CCDC28A: variants seen among roughly 807,000 people sequenced by gnomAD.
CCDC28A encodes the protein coiled-coil domain-containing protein 28A.
CCDC28A carries 24 observed loss-of-function variants against 22.1 expected under a neutral mutation model. The observed-to-expected ratio is 1.09, with a 90% CI of 0.79 to 1.53. The LOEUF is 1.53. CCDC28A is among the 40% of genes most tolerant of loss of function. The pLI is 0.00. For synonymous variants in CCDC28A, 83 were observed against 74.7 expected, an observed-to-expected ratio of 1.11 and a Z score of -0.57; for missense variants, 170 against 210.7, an observed-to-expected ratio of 0.81 and a Z score of 1.20.
Position 138,776,200 on chromosome 6 carries a change from A to T in CCDC28A, c.80A>T (p.Asn27Ile), listed in dbSNP as rs776078449. The T allele has an allele frequency of 6.2e-7, 1 of 1,614,072 alleles. No homozygotes were observed. The highest frequency in any genetic ancestry group is 1.1e-5 in the South Asian group (1 of 91,084). ...ACTCAGGTTGTCAATGCCAAAAAAA[A>T]TGCCATTCCAGTGAGTAAAAGCACA... ...HCTQVVNAKK[N>I]AIPVSKSTGF... Residue 27 changes from asparagine to isoleucine, a missense_variant, in exon 2 of 6, where the codon AAT becomes ATT. Coordinates refer to ENST00000617445, the MANE Select transcript of CCDC28A (RefSeq NM_015439.3).
chr6:138,781,887 A>G (rs1331715176), intron 3 of CCDC28A, among the ~76,000 whole-genome samples: 2 of 152,152 alleles, frequency 1.3e-5, no homozygotes, highest in South Asian at 2.1e-4. Context: ...TTGCATTCTC[A>G]AACATGTCTG....
chr6:138,777,692 G>A (rs1774956004), intron 2 of CCDC28A, among the ~76,000 whole-genome samples: 1 of 152,190 alleles, frequency 6.6e-6, no homozygotes, highest in African/African-American at 2.4e-5. Flanking sequence ...AACATAAAGT[G>A]AGAGTGTGAC....
At chr6:138,786,847 C>T (rs1583524251) in intron 4 of CCDC28A, among the ~76,000 whole-genome samples, 2 of 152,330 alleles carry the variant, frequency 1.3e-5, no homozygotes, top group South Asian at 2.1e-4. Context: ...AACTCCTGGA[C>T]TCAAGTGATC....
At chr6:138,775,995 T>C in intron 1 of CCDC28A, 84 bp from the exon 2 acceptor site, 1 of 1,148,088 alleles carries the variant, frequency 8.7e-7, no homozygotes, top group Non-Finnish European at 1.3e-6. Flanking sequence ...TGATCCTCTT[T>C]TGACCCTGTG....
chr6:138,788,375 T>C lies in CCDC28A; in HGVS notation c.487T>C (p.Leu163=). Reference sequence around the variant, plus strand: ...TTTCTTTGTTTTACAGTTAGAAGAATTGAATTCTTCCATGTATCCTTTGTC... The same window carrying C: ...TTTCTTTGTTTTACAGTTAGAAGAACTGAATTCTTCCATGTATCCTTTGTC... ...LDRLLSDLEE[L]NSSIQKLHLA... is the part of the protein sequence containing the mutation. The change falls in exon 5 of 6, where the codon TTG becomes CTG. Residue 163 remains leucine (L), a synonymous_variant. Transcript: ENST00000617445. 1 of 1,258,690 alleles carries C rather than the reference T, an allele frequency of 7.9e-7. No homozygotes were observed. The highest frequency in any genetic ancestry group is 1.5e-5 in the South Asian group (1 of 67,400). The allele number at this position is 1,258,690 out of a possible 1,614,324, so 78.0% of individuals were successfully genotyped here.
chr6:138,790,075 CTCTT>C (rs1192847298), intron 5 of CCDC28A, among the ~76,000 whole-genome samples: 1 of 151,840 alleles, frequency 6.6e-6, no homozygotes, highest in Non-Finnish European at 1.5e-5. Context: ...GCAAGAAGTT[CTCTT>C]TCTTCCTTCA....
Position 138,792,968 on chromosome 6 carries a change from T to G in CCDC28A, c.*165T>G. 3.3e-6 allele frequency: 2 copies of G among 606,684 alleles called. No homozygotes were observed. The highest frequency in any genetic ancestry group is 5.9e-6 in the Non-Finnish European group (2 of 339,732). 37.6% of individuals were successfully genotyped at this position (606,684 alleles called of 1,614,324 possible). ...ACTGCTTTTAGTAAATGTGACTCGC[T>G]GTAATTCACCATAACTGGAGGCCTA... On this transcript the variant is annotated 3_prime_UTR_variant, in exon 6 of 6. Coordinates refer to ENST00000617445, the MANE Select transcript of CCDC28A (RefSeq NM_015439.3).
intron 4 of CCDC28A, 150 bp downstream of exon 4, chr6:138,785,531 AC>A: frequency 1.7e-6 from 1 of 595,578 alleles, no homozygotes; most frequent in Non-Finnish European, 2.9e-6. Flanking sequence ...GAACACGTTC[AC>A]CACCCCAGAA....
At chr6:138,786,349 A>G (rs1360041140) in intron 4 of CCDC28A, among the ~76,000 whole-genome samples, 2 of 152,240 alleles carry the variant, frequency 1.3e-5, no homozygotes, top group Non-Finnish European at 2.9e-5. Context: ...AACACAAAGT[A>G]TGATTGTTAC....
intron 5 of CCDC28A, among the ~76,000 whole-genome samples, chr6:138,792,053 C>A (rs1202997587): frequency 1.3e-5 from 2 of 152,142 alleles, no homozygotes; most frequent in African/African-American, 4.8e-5. Context: ...TCTTGAGGAA[C>A]AATTAAGAGA....
intron 2 of CCDC28A, among the ~76,000 whole-genome samples, chr6:138,778,463 C>T (rs991960394): frequency 6.6e-6 from 1 of 152,182 alleles, no homozygotes; most frequent in Non-Finnish European, 1.5e-5. Context: ...AACATCATCA[C>T]TCAACTATTT....
At chr6:138,781,146 T>C (rs1775015262) in intron 3 of CCDC28A, among the ~76,000 whole-genome samples, 1 of 152,226 alleles carries the variant, frequency 6.6e-6, no homozygotes, top group Non-Finnish European at 1.5e-5. Context: ...ATTTTCATTA[T>C]TTAATACAAA....
intron 2 of CCDC28A, 127 bp from the exon 3 acceptor site, chr6:138,779,695 G>A (rs1408539807): frequency 1.8e-6 from 1 of 564,502 alleles, no homozygotes; most frequent in Non-Finnish European, 2.8e-6. Flanking sequence ...GGAGTTTCTG[G>A]TTTTGTTTAG....
At chr6:138,790,197 G>T (rs1775151165) in intron 5 of CCDC28A, among the ~76,000 whole-genome samples, 1 of 152,134 alleles carries the variant, frequency 6.6e-6, no homozygotes, top group Non-Finnish European at 1.5e-5. Context: ...CTGTCGCCCA[G>T]GCTGAAGCAG....
chr6:138,784,731 ATT>A (rs1775067628), intron 3 of CCDC28A, among the ~76,000 whole-genome samples: 1 of 148,532 alleles, frequency 6.7e-6, no homozygotes, highest in Admixed American at 6.7e-5. Flanking sequence ...GTCTCGCTCT[ATT>A]GCCAGGGTGG....
At position 138,779,965 on chromosome 6, in the gene CCDC28A, C is replaced by G. The variant is rs62440896; in HGVS notation, c.302C>G (p.Ser101Cys). The G allele has an allele frequency of 4.3e-6, 7 of 1,609,392 alleles. No individual in the cohort carries two copies. Among genetic ancestry groups the G allele is most frequent in the East Asian group, 4.5e-5 (2 of 44,770 alleles). Residue 101 changes from serine (S) to cysteine (C), a missense_variant, in exon 3 of 6, where the codon TCT becomes TGT. Transcript: ENST00000617445. ...GLLSLLNDFH[S>C]GKLQAFGNEC... ...CTCAGTCTTTTGAATGATTTCCACT[C>G]TGGAAAACTTCAAGCATTTGGTAAG... is the stretch of plus-strand genomic sequence containing the variant.
At position 138,785,219 on chromosome 6, in the gene CCDC28A, T is replaced by C; in HGVS notation, c.323-8T>C. The C allele has an allele frequency of 1.2e-6, 2 of 1,609,338 alleles. No individual in the cohort carries two copies. The highest frequency in any genetic ancestry group is 8.5e-7 in the Non-Finnish European group (1 of 1,176,144). The stretch of plus-strand genomic sequence containing the variant: ...TAATCATTATTAATGTTCTGGAATG[T>C]TCCCAAGGAAATGAATGTTCCATTG... On this transcript the variant is annotated splice_polypyrimidine_tract_variant and splice_region_variant and intron_variant, in intron 3 of 5. Transcript: ENST00000617445.
At chr6:138,784,407 G>A (rs1775063300) in intron 3 of CCDC28A, among the ~76,000 whole-genome samples, 1 of 144,568 alleles carries the variant, frequency 6.9e-6, no homozygotes, top group Non-Finnish European at 1.5e-5. Flanking sequence ...CTTGAGTACA[G>A]TGGCTTGAAC....
rs777040723 is a variant in CCDC28A at position 138,779,812 on chromosome 6, G to A, written c.159-10G>A. ...TAGCCTAAAAAGCCTAAATTTCATC[G>A]TCTTTACAGAGTGATGAAAGAAAAG... is the stretch of plus-strand genomic sequence containing the variant. On this transcript the variant is annotated splice_polypyrimidine_tract_variant and intron_variant, in intron 2 of 5. Coordinates refer to ENST00000617445, the MANE Select transcript of CCDC28A (RefSeq NM_015439.3). 2.8e-5 allele frequency: 45 copies of A among 1,598,520 alleles called. No homozygotes were observed. In the East Asian group the frequency reaches 4.5e-4, roughly 16 times the overall value.
Sources: gnomAD v4.1 joint callset for allele counts (sites outside exome capture counted in the v4.1 genomes callset) on GRCh38, gnomAD v4.1.1 for gene constraint, MANE v1.5 for transcripts, NCBI Gene and HGNC (gene_info 2026-07-23, HGNC 2026-07-21) for gene names.